The following ADRA1B variants were observed in gnomAD, a reference collection of about 807,000 sequenced individuals.
The protein encoded by ADRA1B is alpha-1B adrenergic receptor.
ADRA1B carries 17 observed loss-of-function variants against 17.9 expected under a neutral mutation model. That is an observed-to-expected ratio of 0.95 (90% CI 0.65 to 1.42). ADRA1B has a LOEUF of 1.42. ADRA1B is among the 40% of genes most tolerant of loss of function. ADRA1B has a pLI of 0.00. For synonymous variants in ADRA1B, 366 were observed against 327.6 expected (o/e 1.12, Z -1.27); for missense variants, 681 against 722.1 (o/e 0.94, Z 0.65).
At chr5:159,928,329 C>T (rs115188683) in intron 1 of ADRA1B, among the ~76,000 whole-genome samples, 3,997 of 152,242 alleles carry the variant, frequency 0.026, 80 homozygotes, top group Non-Finnish European at 0.036. Context: ...TAGAATCTGT[C>T]CACATTGGCA....
At chr5:159,874,815 C>A (rs916703931) in intron 1 of ADRA1B, among the ~76,000 whole-genome samples, 2 of 152,226 alleles carry the variant, frequency 1.3e-5, no homozygotes, top group Admixed American at 1.3e-4. Flanking sequence ...ATGTCCACAG[C>A]AGTCCAGGCC....
chr5:159,955,386 C>T (rs1343697524), intron 1 of ADRA1B, among the ~76,000 whole-genome samples: 1 of 151,930 alleles, frequency 6.6e-6, no homozygotes, highest in Admixed American at 6.6e-5. Context: ...TGCACACCAG[C>T]GAAAGGACAG....
At chr5:159,922,737 A>G (rs1458174882) in intron 1 of ADRA1B, among the ~76,000 whole-genome samples, 1 of 152,244 alleles carries the variant, frequency 6.6e-6, no homozygotes, top group Non-Finnish European at 1.5e-5. Flanking sequence ...CACATCTTTA[A>G]TCATTCATCC....
At chr5:159,935,930 C>A (rs1754943593) in intron 1 of ADRA1B, among the ~76,000 whole-genome samples, 1 of 152,242 alleles carries the variant, frequency 6.6e-6, no homozygotes, top group Non-Finnish European at 1.5e-5. Flanking sequence ...GTCCTGGGTT[C>A]AAACTCCACT....
intron 1 of ADRA1B, among the ~76,000 whole-genome samples, chr5:159,945,646 A>G (rs1755248059): frequency 6.6e-6 from 1 of 152,208 alleles, no homozygotes; most frequent in Non-Finnish European, 1.5e-5. Context: ...CTTGTAGGTC[A>G]TGATAGAAAG....
At chr5:159,900,676 C>A (rs939673973) in intron 1 of ADRA1B, among the ~76,000 whole-genome samples, 1 of 152,222 alleles carries the variant, frequency 6.6e-6, no homozygotes, top group African/African-American at 2.4e-5. Context: ...GCAATGTCCT[C>A]ACTTCTCTTG....
At chr5:159,940,909 A>G (rs1039623411) in intron 1 of ADRA1B, among the ~76,000 whole-genome samples, 13 of 152,212 alleles carry the variant, frequency 8.5e-5, no homozygotes, top group African/African-American at 3.1e-4. Flanking sequence ...TCCAAGCATA[A>G]CTCTGCAAAA....
At chr5:159,956,325 A>G (rs1262383880) in intron 1 of ADRA1B, among the ~76,000 whole-genome samples, 1 of 152,198 alleles carries the variant, frequency 6.6e-6, no homozygotes, top group Non-Finnish European at 1.5e-5. Context: ...TTCCAGAGAT[A>G]ACAGCTATGA....
At chr5:159,938,800 T>C (rs115277915) in intron 1 of ADRA1B, among the ~76,000 whole-genome samples, 1 of 152,230 alleles carries the variant, frequency 6.6e-6, no homozygotes, top group Non-Finnish European at 1.5e-5. Flanking sequence ...TTTGCGGCCA[T>C]TGGCCTAGCC....
chr5:159,920,991 A>G (rs1413949487), intron 1 of ADRA1B, among the ~76,000 whole-genome samples: 1 of 152,174 alleles, frequency 6.6e-6, no homozygotes, highest in Non-Finnish European at 1.5e-5. Context: ...CAAGATTTCC[A>G]TAGCTGTGTT....
chr5:159,941,890 T>A (rs910214558), intron 1 of ADRA1B, among the ~76,000 whole-genome samples: 10 of 150,710 alleles, frequency 6.6e-5, no homozygotes. Flanking sequence ...GAAGGGGAAA[T>A]GAGATGACTG....
chr5:159,955,348 A>G (rs1755532362), intron 1 of ADRA1B: 2 of 207,158 alleles, frequency 9.7e-6, no homozygotes, highest in Non-Finnish European at 8.4e-6. Flanking sequence ...AACCTGTCAT[A>G]TCAGTTTGGA....
At chr5:159,922,958 A>T (rs1324546357) in intron 1 of ADRA1B, among the ~76,000 whole-genome samples, 2 of 152,238 alleles carry the variant, frequency 1.3e-5, no homozygotes, top group Non-Finnish European at 2.9e-5. Context: ...TAGAATTCTA[A>T]AACAGGGGTT....
intron 1 of ADRA1B, among the ~76,000 whole-genome samples, chr5:159,883,268 T>C (rs1299748321): frequency 6.6e-6 from 1 of 152,230 alleles, no homozygotes; most frequent in Non-Finnish European, 1.5e-5. Flanking sequence ...TCTCAATGTC[T>C]TGCAGTCTGG....
At chr5:159,905,473 T>C (rs568683727) in intron 1 of ADRA1B, among the ~76,000 whole-genome samples, 1 of 152,370 alleles carries the variant, frequency 6.6e-6, no homozygotes, top group South Asian at 2.1e-4. Context: ...TGACTTTCAG[T>C]TAAGGCTGAG....
chr5:159,915,172 G>T (rs955820295), upstream of ADRA1B, among the ~76,000 whole-genome samples: 3 of 152,142 alleles, frequency 2.0e-5, no homozygotes, highest in South Asian at 2.1e-4. Flanking sequence ...ACCTTGCCCC[G>T]GGGGAAAAGT....
chr5:159,984,743 C>CA, the ADRA1B span, among the ~76,000 whole-genome samples: 271 of 125,598 alleles, frequency 2.2e-3, no homozygotes, highest in Admixed American at 3.3e-3. Context: ...ACTAAAAATA[C>CA]AAAAAAAAAA....
intron 1 of ADRA1B, chr5:159,870,404 A>G (rs1215820716): frequency 6.6e-6 from 1 of 152,244 alleles, no homozygotes; most frequent in Non-Finnish European, 1.5e-5. Context: ...TGCTTTAGCT[A>G]TTAGATTCCA....
In ADRA1B at chr5:159,889,737, G is replaced by A. The variant is rs189848742; in HGVS notation, c.-256+24531G>A. On this transcript the variant is annotated intron_variant, in intron 1 of 2. Transcript: ENST00000641205. ...TAAACAGGTTCTGTCATGTGAATTG[G>A]CCCTTATCCTCTAGACTTCCCAGTG... Among the ~76,000 whole-genome samples, 17 of 152,250 alleles carry A rather than the reference G, an allele frequency of 1.1e-4. No individual in the cohort carries two copies. In the East Asian group the frequency reaches 3.1e-3, roughly 28 times the overall value.
Sources: gnomAD v4.1 joint callset for allele counts (sites outside exome capture counted in the v4.1 genomes callset) on GRCh38, gnomAD v4.1.1 for gene constraint, MANE v1.5 for transcripts, NCBI Gene and HGNC (gene_info 2026-07-23, HGNC 2026-07-21) for gene names.